The following SAXO1 variants were observed in gnomAD, a reference collection of about 807,000 sequenced individuals.
SAXO1 encodes the protein stabilizer of axonemal microtubules 1.
SAXO1 carries 21 observed loss-of-function variants against 17.5 expected under a neutral mutation model. The ratio of observed to expected loss-of-function variants is 1.20; its 90% confidence interval spans 0.85 to 1.72. The LOEUF is 1.72. Ranked by LOEUF, SAXO1 falls within the 40% of genes most tolerant of loss-of-function variation. SAXO1 has a pLI of 0.00. For synonymous variants in SAXO1, 274 were observed against 216.5 expected, an observed-to-expected ratio of 1.27 and a Z score of -2.33; for missense variants, 843 against 596.0, an observed-to-expected ratio of 1.41 and a Z score of -4.32.
intron 1 of SAXO1, among the ~76,000 whole-genome samples, chr9:19,008,769 G>C (rs1388419398): frequency 2.6e-5 from 4 of 152,270 alleles, no homozygotes; most frequent in East Asian, 3.9e-4. Flanking sequence ...GGACAAATCA[G>C]AAAGGAGAAG....
At chr9:18,971,438 T>C (rs549678911) in intron 1 of SAXO1, among the ~76,000 whole-genome samples, 1 of 152,182 alleles carries the variant, frequency 6.6e-6, no homozygotes, top group South Asian at 2.1e-4. Flanking sequence ...AAATCCCCTA[T>C]AATGTCACTA....
At chr9:18,945,132 C>T (rs906204901) in intron 2 of SAXO1, among the ~76,000 whole-genome samples, 5 of 152,250 alleles carry the variant, frequency 3.3e-5, no homozygotes, top group Middle Eastern at 3.4e-3. Context: ...TCACTGAGCT[C>T]CATTCTCCTC....
At chr9:18,993,363 C>A (rs1348100140) in intron 1 of SAXO1, among the ~76,000 whole-genome samples, 1 of 151,398 alleles carries the variant, frequency 6.6e-6, no homozygotes, top group Admixed American at 6.6e-5. Flanking sequence ...TTACCTCTCA[C>A]ATCTGTTGAG....
Position 19,032,980 on chromosome 9 carries a change from C to T in SAXO1, c.-72G>A. ...GCAGCCGACTCCTAGACCCCAACCA[C>T]CTGTCTTGGGGCACGCCCAGGCTCG... On this transcript the variant is annotated 5_prime_UTR_variant, in exon 1 of 4. In the 5' UTR this introduces an upstream ATG that the reference lacks. Coordinates refer to ENST00000380534, the MANE Select transcript of SAXO1 (RefSeq NM_153707.4). 1 of 1,508,188 alleles carries T rather than the reference C, an allele frequency of 6.6e-7. No individual in the cohort carries two copies. Among genetic ancestry groups the T allele is most frequent in the Non-Finnish European group, 9.0e-7 (1 of 1,114,250 alleles). 93.4% of individuals were successfully genotyped at this position (1,508,188 alleles called of 1,614,324 possible). A position where few individuals can be genotyped will look rare whatever the true frequency, so the allele number is the denominator to read the frequency against.
chr9:19,044,618 C>G (rs547271289), intron 1 of SAXO1, among the ~76,000 whole-genome samples: 89 of 152,252 alleles, frequency 5.8e-4, no homozygotes, highest in African/African-American at 2.0e-3. Context: ...AATCCCAGTA[C>G]TTTGGGAGGC....
chr9:18,989,364 T>C (rs1833714685), intron 1 of SAXO1, among the ~76,000 whole-genome samples: 1 of 152,214 alleles, frequency 6.6e-6, no homozygotes, highest in Non-Finnish European at 1.5e-5. Flanking sequence ...TAATACTGTC[T>C]GCATTGATGT....
At chr9:18,981,741 TG>T (rs1833393218) in intron 1 of SAXO1, among the ~76,000 whole-genome samples, 1 of 152,032 alleles carries the variant, frequency 6.6e-6, no homozygotes, top group African/African-American at 2.4e-5. Flanking sequence ...TCACAGGGAT[TG>T]GGGCCCCACC....
intron 1 of SAXO1, among the ~76,000 whole-genome samples, chr9:18,993,147 G>C (rs890982034): frequency 4.6e-5 from 7 of 151,710 alleles, no homozygotes; most frequent in South Asian, 2.1e-4. Context: ...TATATGTGCA[G>C]AGTGTACAGG....
chr9:18,951,326 T>G (rs753715890), intron 1 of SAXO1, among the ~76,000 whole-genome samples: 3 of 152,306 alleles, frequency 2.0e-5, no homozygotes, highest in Admixed American at 1.3e-4. Flanking sequence ...CAGGGCTTAC[T>G]ACTGACCTAA....
In SAXO1 at chr9:18,992,138, T is replaced by A. The variant is rs117926544; in HGVS notation, c.38+40733A>T. 2.6e-4 allele frequency among the ~76,000 whole-genome samples: 39 copies of A among 152,358 alleles called. No homozygotes were observed. In the East Asian group the frequency reaches 7.3e-3, roughly 29 times the overall value. ...GGCTGAAAAGATTTATAAAGTTGCC[T>A]ATTCCCCACTACATATCACTTTCCT... On this transcript the variant is annotated intron_variant, in intron 1 of 3. Transcript: ENST00000380534.
chr9:18,964,047 G>T (rs1832612689), intron 1 of SAXO1, among the ~76,000 whole-genome samples: 1 of 152,126 alleles, frequency 6.6e-6, no homozygotes, highest in Non-Finnish European at 1.5e-5. Context: ...TTTTGTCATT[G>T]GTTCTGTGTA....
chr9:19,029,439 G>T (rs1378069597), intron 1 of SAXO1, among the ~76,000 whole-genome samples: 1 of 152,192 alleles, frequency 6.6e-6, no homozygotes, highest in Non-Finnish European at 1.5e-5. Flanking sequence ...CTTCATGCAT[G>T]CTTGTCTTCC....
intron 1 of SAXO1, among the ~76,000 whole-genome samples, chr9:18,990,757 T>G (rs1430192111): frequency 6.6e-6 from 1 of 152,046 alleles, no homozygotes; most frequent in Non-Finnish European, 1.5e-5. Context: ...ATCATAGGAG[T>G]GCAAACCCTA....
intron 3 of SAXO1, among the ~76,000 whole-genome samples, chr9:18,929,386 C>T (rs1251503911): frequency 1.3e-5 from 2 of 152,228 alleles, no homozygotes; most frequent in Admixed American, 1.3e-4. Flanking sequence ...ACAACACTTC[C>T]TTTCTTCTGT....
In SAXO1 at chr9:18,962,717, G is replaced by A. The variant is rs533540389; in HGVS notation, c.39-11780C>T. On this transcript the variant is annotated intron_variant, in intron 1 of 3. Transcript: ENST00000380534. ...TCTGGGTATTAGCCCTTTGTCAGAT[G>A]GACAGATTGCAAAAATTTTCTCCCT... is the stretch of plus-strand genomic sequence containing the variant. Among the ~76,000 whole-genome samples the A allele has an allele frequency of 2.6e-5, 4 of 152,238 alleles. No homozygotes were observed. In the South Asian group the frequency reaches 6.2e-4, roughly 24 times the overall value.
chr9:19,007,968 C>A (rs535706071), intron 1 of SAXO1, among the ~76,000 whole-genome samples: 1 of 149,996 alleles, frequency 6.7e-6, no homozygotes, highest in East Asian at 1.9e-4. Context: ...CATTTACTAC[C>A]AGGTCTTTTT....
rs752389247 is a variant in SAXO1 at position 18,950,868 on chromosome 9, T to G, written c.108A>C (p.Glu36Asp). 1 of 1,613,698 alleles carries G rather than the reference T, an allele frequency of 6.2e-7. No individual in the cohort carries two copies. The highest frequency in any genetic ancestry group is 8.5e-7 in the Non-Finnish European group (1 of 1,179,730). The change falls in exon 2 of 4, where the codon GAA (glutamate) becomes GAC (aspartate). Residue 36 changes from glutamate (E) to aspartate (D), a missense_variant. Physicochemically the swap from Glu to Asp is conservative, Grantham distance 45. Transcript: ENST00000380534. ...DKTEKPCLLS[E>D]YTENYPFYHS... is the part of the protein sequence containing the mutation. The stretch of plus-strand genomic sequence containing the variant: ...GATAGAAAGGGTAGTTCTCGGTATA[T>G]TCGGAGAGAAGACATGGTTTCTCTG...
At chr9:18,954,102 G>A (rs531611878) in intron 1 of SAXO1, among the ~76,000 whole-genome samples, 25 of 152,178 alleles carry the variant, frequency 1.6e-4, no homozygotes, top group Non-Finnish European at 2.8e-4. Context: ...TCCATAGGCC[G>A]GGAAGGAAAA....
intron 3 of SAXO1, among the ~76,000 whole-genome samples, chr9:18,940,545 C>A (rs1004468267): frequency 6.6e-6 from 1 of 152,184 alleles, no homozygotes. Context: ...CCTCCACCAC[C>A]CTCTTCACCC....
Sources: gnomAD v4.1 joint callset for allele counts (sites outside exome capture counted in the v4.1 genomes callset) on GRCh38, gnomAD v4.1.1 for gene constraint, MANE v1.5 for transcripts, NCBI Gene and HGNC (gene_info 2026-07-23, HGNC 2026-07-21) for gene names.